Variants in KIF5C observed in about 807,000 individuals in gnomAD.
KIF5C encodes kinesin heavy chain isoform 5C.
A neutral mutation model predicts 125.2 loss-of-function variants in KIF5C; 18 were observed. That is an observed-to-expected ratio of 0.14 (90% confidence interval 0.10 to 0.21). The LOEUF (loss-of-function observed/expected upper bound fraction) is 0.21, where lower values mean the gene tolerates loss of function less well. Among genes scored for constraint, KIF5C ranks in the 10% least tolerant of loss-of-function variants. The pLI, the probability that KIF5C is intolerant of heterozygous loss-of-function variation, is 1.00. For missense variants in KIF5C, 780 were observed against 1,183.8 expected (o/e 0.66, Z 5.01); for synonymous variants, 405 against 434.0 (o/e 0.93, Z 0.83).
chr2:148,875,731 C>G lies in KIF5C; in HGVS notation c.114C>G (p.Thr38=), dbSNP rs1487469554. ...KFIPKFKGDE[T]VVIGQGKPYV... Reference sequence around the variant, plus strand: ...TCCCCAAATTTAAAGGCGATGAGACCGTGGTGATCGGGGTAAGTGGCTGGG... The same window carrying G: ...TCCCCAAATTTAAAGGCGATGAGACGGTGGTGATCGGGGTAAGTGGCTGGG... Residue 38 remains threonine, a synonymous_variant, in exon 1 of 26, where the codon ACC becomes ACG. Coordinates refer to ENST00000435030, the MANE Select transcript of KIF5C (RefSeq NM_004522.3). 3 of 1,604,662 alleles carry G rather than the reference C, an allele frequency of 1.9e-6. No homozygotes were observed. The highest frequency in any genetic ancestry group is 2.6e-6 in the Non-Finnish European group (3 of 1,176,154).
In KIF5C at chr2:149,007,778, G is replaced by A. The variant is rs371760098; in HGVS notation, c.2446-185G>A. Among the ~76,000 whole-genome samples, 20 of 151,642 alleles carry A rather than the reference G, an allele frequency of 1.3e-4. No homozygotes were observed. In the South Asian group the frequency reaches 1.5e-3, roughly 11 times the overall value. On this transcript the variant is annotated intron_variant, in intron 22 of 25. Coordinates refer to ENST00000435030, the MANE Select transcript of KIF5C (RefSeq NM_004522.3). ...TCTCTAAAAATTAGCTCCTCAAATCGCTTTTCATACTAATAAGGGAAATTA... is the reference window on the plus strand; with the variant it reads ...TCTCTAAAAATTAGCTCCTCAAATCACTTTTCATACTAATAAGGGAAATTA...
chr2:149,016,569 C>T (rs960935296), intron 25 of KIF5C, among the ~76,000 whole-genome samples: 8 of 152,148 alleles, frequency 5.3e-5, no homozygotes, highest in Non-Finnish European at 1.2e-4. Flanking sequence ...GTTAGGGAAA[C>T]ATTGGTCCCT....
intron 3 of KIF5C, among the ~76,000 whole-genome samples, chr2:148,934,141 TAC>T (rs1024468214): frequency 2.0e-5 from 3 of 146,652 alleles, no homozygotes; most frequent in Non-Finnish European, 4.5e-5. Flanking sequence ...GCATACATCA[TAC>T]ACACACAGAC....
intron 3 of KIF5C, among the ~76,000 whole-genome samples, chr2:148,934,160 A>G (rs957037438): frequency 4.0e-5 from 6 of 151,280 alleles, no homozygotes; most frequent in African/African-American, 1.5e-4. Context: ...AGACATATAC[A>G]CATCACACAC....
rs1453123507 is a variant in KIF5C, at chr2:148,983,560, G to A, written c.1570-60G>A. 2.0e-6 allele frequency: 3 copies of A among 1,476,328 alleles called. No homozygotes were observed. In the African/African-American group the frequency reaches 4.2e-5, roughly 21 times the overall value. The allele number at this position is 1,476,328 out of a possible 1,614,324, so 91.5% of individuals were successfully genotyped here. On this transcript the variant is annotated intron_variant, in intron 14 of 25. Coordinates refer to ENST00000435030, the MANE Select transcript of KIF5C (RefSeq NM_004522.3). ...ACATGATGGTGTTATTCTTTGTAAT[G>A]TGGAGTGTATGAAATTGATGGGCAA... is the stretch of plus-strand genomic sequence containing the variant.
chr2:148,998,595 G>C, intron 19 of KIF5C, 86 bp downstream of exon 19: 1 of 1,529,238 alleles, frequency 6.5e-7, no homozygotes, highest in South Asian at 1.2e-5. Flanking sequence ...GCTCTTAGTC[G>C]AGGGCCCTGC....
chr2:149,017,029 GT>G (rs1682382580), intron 25 of KIF5C, among the ~76,000 whole-genome samples: 2 of 152,174 alleles, frequency 1.3e-5, no homozygotes, highest in South Asian at 4.1e-4. Flanking sequence ...CAGAGACTGG[GT>G]GGTTGAAGAA....
Position 148,875,575 on chromosome 2 carries a change from G to GCCCCCCCCCCCTCCCCCCGCCCCCC in KIF5C, c.-37_-36insCCCCCTCCCCCCGCCCCCCCCCCCC. On this transcript the variant is annotated 5_prime_UTR_variant, in exon 1 of 26. Transcript: ENST00000435030. Reference sequence around the variant, plus strand: ...TCCTCCCTCGTCGTTCCCGGCCCCGGCCCCCCACCCATCCCCGTGCCCCCT... The same window carrying GCCCCCCCCCCCTCCCCCCGCCCCCC: ...TCCTCCCTCGTCGTTCCCGGCCCCGGCCCCCCCCCCCTCCCCCCGCCCCCCCCCCCCACCCATCCCCGTGCCCCCT... 1 of 699,606 alleles carries GCCCCCCCCCCCTCCCCCCGCCCCCC rather than the reference G, an allele frequency of 1.4e-6. No homozygotes were observed. The highest frequency in any genetic ancestry group is 2.6e-6 in the Non-Finnish European group (1 of 389,230). The allele number at this position is 699,606 out of a possible 1,614,324, so 43.3% of individuals were successfully genotyped here. A position where few individuals can be genotyped will look rare whatever the true frequency, so the allele number is the denominator to read the frequency against.
In KIF5C at chr2:149,008,021, C is replaced by T. The variant is rs760077899; in HGVS notation, c.2504C>T (p.Ser835Phe). Residue 835 changes from serine to phenylalanine, a missense_variant, in exon 23 of 26, where the codon TCC becomes TTC. Around this residue, in one of 2 missense-constraint regions of KIF5C, gnomAD observed 573 missense variants for 742.6 expected, o/e 0.77. Transcript: ENST00000435030. ...AGTGCTGCCCAGAAGCAGAAAATTT[C>T]CTTCTTGGAGAATAACCTGGAGCAG... The part of the protein sequence containing the change: ...GGSAAQKQKI[S>F]FLENNLEQLT... 2.5e-6 allele frequency: 4 copies of T among 1,612,158 alleles called. No homozygotes were observed. The East Asian group carries it at 6.7e-5, about 27-fold the overall frequency.
chr2:148,975,320 C>A (rs1309426625), intron 12 of KIF5C, among the ~76,000 whole-genome samples: 1 of 152,122 alleles, frequency 6.6e-6, no homozygotes, highest in East Asian at 1.9e-4. Context: ...GGAGGCACTT[C>A]CATGTTTCTG....
At chr2:148,898,423 C>T (rs1394847808) in intron 1 of KIF5C, among the ~76,000 whole-genome samples, 1 of 152,060 alleles carries the variant, frequency 6.6e-6, no homozygotes, top group African/African-American at 2.4e-5. Context: ...TCCCAGAACC[C>T]GAATATGTTA....
At chr2:149,012,385 TTTG>T (rs1380880460) in intron 25 of KIF5C, among the ~76,000 whole-genome samples, 1 of 152,308 alleles carries the variant, frequency 6.6e-6, no homozygotes, top group East Asian at 1.9e-4. Flanking sequence ...ACCAGAAAAC[TTTG>T]TTTAGATAAA....
chr2:148,895,667 A>G (rs754824675), intron 1 of KIF5C, among the ~76,000 whole-genome samples: 3 of 152,186 alleles, frequency 2.0e-5, no homozygotes, highest in Non-Finnish European at 4.4e-5. Flanking sequence ...TTGAACTGTC[A>G]AAACAAAATA....
At chr2:148,967,296 C>T (rs991075592) in intron 11 of KIF5C, among the ~76,000 whole-genome samples, 6 of 152,310 alleles carry the variant, frequency 3.9e-5, no homozygotes, top group African/African-American at 1.2e-4. Context: ...TAGAAGGATA[C>T]GAATGATTCG....
At chr2:149,007,737 G>GTTT (rs200712371) in intron 22 of KIF5C, among the ~76,000 whole-genome samples, 2 of 146,268 alleles carry the variant, frequency 1.4e-5, no homozygotes, top group East Asian at 4.0e-4. Context: ...ATTTGAAGGA[G>GTTT]TTTTTTTTTT....
At chr2:148,939,218 A>G (rs1409029706) in intron 4 of KIF5C, among the ~76,000 whole-genome samples, 1 of 152,214 alleles carries the variant, frequency 6.6e-6, no homozygotes, top group Non-Finnish European at 1.5e-5. Context: ...CAATTATATT[A>G]AACTTCTCCC....
chr2:148,961,778 G>A (rs1269038129), intron 10 of KIF5C, among the ~76,000 whole-genome samples, 193 bp from the exon 11 acceptor site: 2 of 152,180 alleles, frequency 1.3e-5, no homozygotes, highest in Admixed American at 1.3e-4. Context: ...AGGAGAAAAG[G>A]AAAGGATGAG....
intron 7 of KIF5C, among the ~76,000 whole-genome samples, chr2:148,945,382 G>T (rs1453589759): frequency 6.6e-6 from 1 of 151,964 alleles, no homozygotes; most frequent in Admixed American, 6.6e-5. Context: ...AACACTATTT[G>T]TTGAAAAGAC....
chr2:148,935,153 CAA>C, intron 3 of KIF5C: 4 of 312,460 alleles, frequency 1.3e-5, no homozygotes, highest in South Asian at 1.0e-4. Context: ...CAGAGAGACA[CAA>C]AGTAGAGAGT....
Sources: gnomAD v4.1 joint callset for allele counts (sites outside exome capture counted in the v4.1 genomes callset) on GRCh38, gnomAD v4.1.1 for gene constraint, gnomAD v4.1.1 regional missense constraint, MANE v1.5 for transcripts, NCBI Gene and HGNC (gene_info 2026-07-23, HGNC 2026-07-21) for gene names.